The following EML6 variants were observed in gnomAD, a reference collection of about 807,000 sequenced individuals.
The protein encoded by EML6 is EMAP like 6.
Under a neutral mutation model 240.1 loss-of-function variants are expected in EML6, and 154 were observed. The ratio of observed to expected loss-of-function variants is 0.64; its 90% CI spans 0.56 to 0.73. EML6 has a LOEUF of 0.73. Ranked by LOEUF, EML6 falls within the 30% of genes least tolerant of loss-of-function variation. EML6 has a pLI of 0.00. For synonymous variants in EML6, 1,148 were observed against 899.0 expected (o/e 1.28, Z -4.95); for missense variants, 2,964 against 2,474.6 (o/e 1.20, Z -4.20).
At chr2:54,805,582 T>G (rs1444478748) in intron 2 of EML6, among the ~76,000 whole-genome samples, 1 of 152,114 alleles carries the variant, frequency 6.6e-6, no homozygotes, top group Non-Finnish European at 1.5e-5. Context: ...TGGGTAGAAC[T>G]TTGGTGATTT....
intron 2 of EML6, among the ~76,000 whole-genome samples, chr2:54,767,385 C>A (rs977144059): frequency 2.6e-5 from 4 of 151,932 alleles, no homozygotes; most frequent in African/African-American, 9.7e-5. Context: ...AAATAAATAA[C>A]ATGTAAATAG....
At chr2:54,921,691 AG>A (rs777136366) in intron 26 of EML6, among the ~76,000 whole-genome samples, 5 of 152,168 alleles carry the variant, frequency 3.3e-5, no homozygotes, top group Non-Finnish European at 7.4e-5. Flanking sequence ...TATATTACAA[AG>A]CTATAGTAAT....
chr2:54,915,214 C>T (rs1428698000), intron 25 of EML6, among the ~76,000 whole-genome samples: 1 of 152,132 alleles, frequency 6.6e-6, no homozygotes, highest in African/African-American at 2.4e-5. Flanking sequence ...ATTTGCTTCC[C>T]CTGGAGAACA....
At chr2:54,962,409 C>G (rs554549650) in intron 35 of EML6, 114 bp from the exon 36 acceptor site, 2 of 821,364 alleles carry the variant, frequency 2.4e-6, no homozygotes, top group Non-Finnish European at 3.7e-6. Context: ...CCCCCATTCA[C>G]CGGCAGTCAT....
chr2:54,941,028 C>T (rs941456229), intron 28 of EML6, among the ~76,000 whole-genome samples: 4 of 152,208 alleles, frequency 2.6e-5, no homozygotes, highest in Non-Finnish European at 5.9e-5. Flanking sequence ...GTCACCAAAT[C>T]ACCGTATATA....
At chr2:54,935,963 A>G (rs1385095705) in intron 28 of EML6, among the ~76,000 whole-genome samples, 1 of 152,168 alleles carries the variant, frequency 6.6e-6, no homozygotes, top group Non-Finnish European at 1.5e-5. Context: ...CCAGGAGTTC[A>G]AGGCTGCAGT....
chr2:54,829,400 G>A lies in EML6; in HGVS notation c.770G>A (p.Gly257Glu), dbSNP rs1471800699. 1 of 1,551,692 alleles carries A rather than the reference G, an allele frequency of 6.4e-7. No individual in the cohort carries two copies. Among genetic ancestry groups the A allele is most frequent in the South Asian group, 1.2e-5 (1 of 84,040 alleles). Residue 257 changes from glycine (G) to glutamate (E), a missense_variant, in exon 7 of 42, where the codon GGG becomes GAG. Transcript: ENST00000356458. Reference protein sequence around the residue: ...EEGFATGGRDGCIRLWDTDFK... With the variant: ...EEGFATGGRDECIRLWDTDFK... ...GGCTTTGCCACTGGTGGGCGAGATG[G>A]GTGTATACGACTGTGGGACACTGAT... is the stretch of plus-strand genomic sequence containing the variant.
intron 2 of EML6, among the ~76,000 whole-genome samples, chr2:54,740,738 A>G (rs1683594238): frequency 1.3e-5 from 2 of 150,224 alleles, no homozygotes; most frequent in African/African-American, 4.9e-5. Flanking sequence ...ACAATAAGAG[A>G]TATTGTTACA....
chr2:54,896,595 G>C (rs1672782340), intron 21 of EML6, among the ~76,000 whole-genome samples: 1 of 152,152 alleles, frequency 6.6e-6, no homozygotes, highest in Non-Finnish European at 1.5e-5. Context: ...TGAAGGATGT[G>C]TGTTCAGAAG....
In EML6 at chr2:54,891,909, C is replaced by T. The variant is rs574972940; in HGVS notation, c.2540-545C>T. On this transcript the variant is annotated intron_variant, in intron 18 of 41. Transcript: ENST00000356458. ...TAAGGGACAAATCTAATGGCTTGTCCCGTATACTACCTTTTCCTACAAAAC... is the reference window on the plus strand; with the variant it reads ...TAAGGGACAAATCTAATGGCTTGTCTCGTATACTACCTTTTCCTACAAAAC... Among the ~76,000 whole-genome samples the T allele has an allele frequency of 3.3e-3, 495 of 152,284 alleles. 5 individuals are homozygous for T. Among genetic ancestry groups the T allele is most frequent in the African/African-American group, 0.011 (463 of 41,558 alleles).
Position 54,810,253 on chromosome 2 carries a change from T to G in EML6, c.198-2979T>G, listed in dbSNP as rs2163598. Among the ~76,000 whole-genome samples the G allele has an allele frequency of 9.2e-3, 1,403 of 152,254 alleles. 8 individuals carry two copies. The highest frequency in any genetic ancestry group is 0.018 in the South Asian group (88 of 4,822). The stretch of plus-strand genomic sequence containing the variant: ...GAACTTTTTAGTAAATGTGGTAAAT[T>G]TATGGGCTTCAATATGAATGAGAAG... On this transcript the variant is annotated intron_variant, in intron 2 of 41. Transcript: ENST00000356458.
chr2:54,864,721 C>T (rs1439920574), intron 13 of EML6, among the ~76,000 whole-genome samples: 2 of 152,160 alleles, frequency 1.3e-5, no homozygotes, highest in South Asian at 2.1e-4. Flanking sequence ...AGTAACTTGC[C>T]CATGTCCACG....
At position 54,928,476 on chromosome 2, in the gene EML6, A is replaced by T; in HGVS notation, c.3839A>T (p.Asp1280Val). ...FVGTQESKLV[D>V]SEESDTDVEE... ...GGGACCCAGGAGAGCAAGCTGGTGG[A>T]CAGCGAGGAGTCAGACACCGACGTG... The change falls in exon 27 of 42, where the codon GAC (aspartate) becomes GTC (valine). Residue 1280 changes from aspartate (D) to valine (V), a missense_variant. Transcript: ENST00000356458. 6.5e-7 allele frequency: 1 copy of T among 1,548,940 alleles called. No individual in the cohort carries two copies. The highest frequency in any genetic ancestry group is 8.7e-7 in the Non-Finnish European group (1 of 1,145,198).
chr2:54,771,096 G>C (rs1212896857), intron 2 of EML6, among the ~76,000 whole-genome samples: 1 of 152,144 alleles, frequency 6.6e-6, no homozygotes, highest in Non-Finnish European at 1.5e-5. Flanking sequence ...TGAGTCTTGA[G>C]CTCAGTGGCA....
intron 28 of EML6, among the ~76,000 whole-genome samples, chr2:54,940,649 A>G (rs989717670): frequency 6.6e-6 from 1 of 152,214 alleles, no homozygotes; most frequent in African/African-American, 2.4e-5. Context: ...ATCTGTCTTC[A>G]AGATGCTGTG....
At chr2:54,735,691 C>T (rs1239628620) in intron 2 of EML6, among the ~76,000 whole-genome samples, 1 of 152,158 alleles carries the variant, frequency 6.6e-6, no homozygotes, top group Non-Finnish European at 1.5e-5. Context: ...AATGTTTGTG[C>T]TTAAGGTATT....
At chr2:54,957,187 A>G (rs1676269748) in intron 32 of EML6, among the ~76,000 whole-genome samples, 1 of 152,148 alleles carries the variant, frequency 6.6e-6, no homozygotes, top group African/African-American at 2.4e-5. Flanking sequence ...CTACAAGTAA[A>G]TGGTAGAGTT....
intron 35 of EML6, among the ~76,000 whole-genome samples, chr2:54,960,906 C>A (rs564441041): frequency 1.9e-4 from 29 of 152,200 alleles, no homozygotes; most frequent in African/African-American, 6.7e-4. Context: ...TGTATGTTTC[C>A]TTCTATTTCC....
intron 24 of EML6, among the ~76,000 whole-genome samples, chr2:54,907,468 C>G (rs1238110563): frequency 6.6e-6 from 1 of 152,160 alleles, no homozygotes; most frequent in East Asian, 1.9e-4. Flanking sequence ...GATGGCACCA[C>G]TGAACTCCAG....
Sources: gnomAD v4.1 joint callset for allele counts (sites outside exome capture counted in the v4.1 genomes callset) on GRCh38, gnomAD v4.1.1 for gene constraint, MANE v1.5 for transcripts, NCBI Gene and HGNC (gene_info 2026-07-23, HGNC 2026-07-21) for gene names.